The following VPS26A variants were observed in gnomAD, a reference collection of about 807,000 sequenced individuals.
VPS26A encodes VPS26 retromer complex component A, also known as vacuolar protein sorting-associated protein 26A.
Under a neutral mutation model 42.4 loss-of-function variants are expected in VPS26A, and 22 were observed. The ratio of observed to expected loss-of-function variants is 0.52; its 90% confidence interval spans 0.37 to 0.74. VPS26A has a LOEUF of 0.74. Ranked by LOEUF, VPS26A falls within the 30% of genes least tolerant of loss-of-function variation. The pLI is 0.00. For synonymous variants in VPS26A, 110 were observed against 123.5 expected, an observed-to-expected ratio of 0.89 and a Z score of 0.73; for missense variants, 276 against 379.2, an observed-to-expected ratio of 0.73 and a Z score of 2.26.
rs1265762229 is a variant in VPS26A at position 69,171,836 on chromosome 10, C to T, written c.*567C>T. The stretch of plus-strand genomic sequence containing the variant: ...AGCATATGGAGTGTTTCACCGCAGG[C>T]ACTTCTGAGTACCATTCCATGGCTT... On this transcript the variant is annotated 3_prime_UTR_variant, in exon 9 of 9. Transcript: ENST00000263559. The T allele has an allele frequency of 6.5e-6, 1 of 152,712 alleles. No individual in the cohort carries two copies. Among genetic ancestry groups the T allele is most frequent in the Non-Finnish European group, 1.5e-5 (1 of 68,228 alleles). 9.5% of individuals were successfully genotyped at this position (152,712 alleles called of 1,614,324 possible). A position where few individuals can be genotyped will look rare whatever the true frequency, so the allele number is the denominator to read the frequency against.
In VPS26A at chr10:69,130,992, A is replaced by G. The variant is rs368419118; in HGVS notation, c.4-1906A>G. Among the ~76,000 whole-genome samples the G allele has an allele frequency of 9.3e-4, 141 of 151,434 alleles. 3 individuals carry two copies. In the South Asian group the frequency reaches 0.028, roughly 30 times the overall value. On this transcript the variant is annotated intron_variant, in intron 1 of 8. Coordinates refer to ENST00000263559, the MANE Select transcript of VPS26A (RefSeq NM_004896.5). Reference sequence around the variant, plus strand: ...GCTATTATGAATAACACTTGTGAACATTTTTTTTCTGGAGACAAATTCTTG... The same window carrying G: ...GCTATTATGAATAACACTTGTGAACGTTTTTTTTCTGGAGACAAATTCTTG...
chr10:69,137,862 G>GATATATATATATATATATATATATATAT lies in VPS26A; in HGVS notation c.153+4835_153+4836insATATATATATATATATATATATATATAT, dbSNP rs745881334. Among the ~76,000 whole-genome samples, 54 of 144,828 alleles carry GATATATATATATATATATATATATATAT rather than the reference G, an allele frequency of 3.7e-4. 1 individual carries two copies. The highest frequency in any genetic ancestry group is 1.4e-3 in the African/African-American group (51 of 36,798). On this transcript the variant is annotated intron_variant, in intron 2 of 8. Coordinates refer to ENST00000263559, the MANE Select transcript of VPS26A (RefSeq NM_004896.5). ...TTTTTCTTTTTTTAAGCTGTATTGA[G>GATATATATATATATATATATATATATAT]ATATATATATATATATATATTCGCC...
At position 69,158,198 on chromosome 10, in the gene VPS26A, TA is replaced by T; in HGVS notation, c.539del (p.Tyr180LeufsTer8). 6.3e-7 allele frequency: 1 copy of T among 1,592,394 alleles called. No homozygotes were observed. The highest frequency in any genetic ancestry group is 8.5e-7 in the Non-Finnish European group (1 of 1,172,488). On this transcript the variant is annotated frameshift_variant, in exon 5 of 9. Transcript: ENST00000263559. LOFTEE classifies it high-confidence loss of function. ...IEDCLHIEFEYNKSKYHLKDV... is the reference protein window; with the variant it reads ...IEDCLHIEFEXNKSKYHLKDV... ...AGATTGTCTACATATAGAATTTGAA[TA>T]TAATAAATCAAAGTAAGTATCATTC... is the stretch of plus-strand genomic sequence containing the variant.
At chr10:69,145,160 T>G (rs1055745040) in intron 2 of VPS26A, among the ~76,000 whole-genome samples, 1 of 58,910 alleles carries the variant, frequency 1.7e-5, no homozygotes, top group Non-Finnish European at 7.2e-5. Flanking sequence ...CTCAGCCTCC[T>G]GAGTAGCTGG....
chr10:69,138,855 C>G (rs959602501), intron 2 of VPS26A, among the ~76,000 whole-genome samples: 1 of 152,058 alleles, frequency 6.6e-6, no homozygotes, highest in African/African-American at 2.4e-5. Flanking sequence ...TATCTTTACC[C>G]CACATTATAT....
At chr10:69,133,457 C>G (rs916596073) in intron 2 of VPS26A, 1 of 880,906 alleles carries the variant, frequency 1.1e-6, no homozygotes, top group African/African-American at 1.8e-5. Context: ...GTATAACTTT[C>G]TAAAGGTTTT....
At chr10:69,127,093 A>ATTTTTTTTTTT (rs71035057) in intron 1 of VPS26A, among the ~76,000 whole-genome samples, 721 of 97,504 alleles carry the variant, frequency 7.4e-3, no homozygotes, top group African/African-American at 0.011. Flanking sequence ...CACCCGGCCA[A>ATTTTTTTTTTT]TTTTTTTTTT....
chr10:69,131,470 C>T (rs12263799), intron 1 of VPS26A, among the ~76,000 whole-genome samples: 6,313 of 152,012 alleles, frequency 0.042, 451 homozygotes, highest in African/African-American at 0.14. Flanking sequence ...CGCGGTGGCT[C>T]ATGCCTGTAA....
At chr10:69,163,908 G>A (rs1352024565) in intron 6 of VPS26A, among the ~76,000 whole-genome samples, 1 of 151,312 alleles carries the variant, frequency 6.6e-6, no homozygotes, top group Admixed American at 6.6e-5. Flanking sequence ...TGGGACTACA[G>A]GCGCCCACCA....
chr10:69,124,199 G>T lies in VPS26A; in HGVS notation c.-79G>T. ...GCCCGAGGTCACGTGACGGAGCGCC[G>T]GAGCGGAGGGAGCCGGGGCTGGGAG... is the stretch of plus-strand genomic sequence containing the variant. On this transcript the variant is annotated 5_prime_UTR_variant, in exon 1 of 9. Transcript: ENST00000263559. 1 of 1,260,836 alleles carries T rather than the reference G, an allele frequency of 7.9e-7. No homozygotes were observed. Among genetic ancestry groups the T allele is most frequent in the East Asian group, 3.1e-5 (1 of 32,572 alleles). 78.1% of individuals were successfully genotyped at this position (1,260,836 alleles called of 1,614,324 possible). A position where few individuals can be genotyped will look rare whatever the true frequency, so the allele number is the denominator to read the frequency against.
chr10:69,155,785 ATCTCTTATAATT>A lies in VPS26A; in HGVS notation c.154-24_154-13del. 6.3e-7 allele frequency: 1 copy of A among 1,590,200 alleles called. No homozygotes were observed. Among genetic ancestry groups the A allele is most frequent in the Non-Finnish European group, 8.6e-7 (1 of 1,160,838 alleles). Reference sequence around the variant, plus strand: ...TAGGCCCACTCATAGGATTGTTAACATCTCTTATAATTTCATGTTTTGGCAGGTAAACCTAGC... The same window carrying A: ...TAGGCCCACTCATAGGATTGTTAACATCATGTTTTGGCAGGTAAACCTAGC... On this transcript the variant is annotated splice_polypyrimidine_tract_variant and intron_variant, in intron 2 of 8. Transcript: ENST00000263559.
At chr10:69,126,843 C>T (rs61868344) in intron 1 of VPS26A, among the ~76,000 whole-genome samples, 27,237 of 149,598 alleles carry the variant, frequency 0.18, 2,853 homozygotes, top group Non-Finnish European at 0.23. Context: ...TCTTTCAGTT[C>T]TTTCTAAAAG....
At position 69,158,168 on chromosome 10, in the gene VPS26A, A is replaced by G. The variant is rs1391615701; in HGVS notation, c.508A>G (p.Ile170Val). ...CAACTCTATTAAGATGGAAGTGGGC[A>G]TTGAAGATTGTCTACATATAGAATT... ...VNNSIKMEVGIEDCLHIEFEY... is the reference protein window; with the variant it reads ...VNNSIKMEVGVEDCLHIEFEY... Residue 170 changes from isoleucine to valine, a missense_variant, in exon 5 of 9, where the codon ATT becomes GTT. Transcript: ENST00000263559. The G allele has an allele frequency of 1.2e-6, 2 of 1,610,072 alleles. No individual in the cohort carries two copies. Among genetic ancestry groups the G allele is most frequent in the Admixed American group, 3.4e-5 (2 of 59,198 alleles).
intron 2 of VPS26A, among the ~76,000 whole-genome samples, chr10:69,155,143 TGG>T (rs1194775038): frequency 1.7e-4 from 6 of 36,196 alleles, no homozygotes; most frequent in Non-Finnish European, 4.9e-4. Context: ...GAGTCCTTTC[TGG>T]AAAAAAAAAA....
chr10:69,164,025 C>T (rs1841625191), intron 6 of VPS26A, among the ~76,000 whole-genome samples: 1 of 152,016 alleles, frequency 6.6e-6, no homozygotes, highest in African/African-American at 2.4e-5. Flanking sequence ...CCTCAGCCTC[C>T]CAAAGTGCTG....
chr10:69,147,951 A>G (rs1051563516), intron 2 of VPS26A, among the ~76,000 whole-genome samples: 2 of 152,088 alleles, frequency 1.3e-5, no homozygotes, highest in Admixed American at 6.6e-5. Context: ...TGGACTCGAG[A>G]TTAGCATGCC....
At chr10:69,137,327 G>T (rs763824111) in intron 2 of VPS26A, among the ~76,000 whole-genome samples, 4 of 152,214 alleles carry the variant, frequency 2.6e-5, no homozygotes, top group Non-Finnish European at 5.9e-5. Flanking sequence ...CCAGGTGGAG[G>T]TTAGCTGGGT....
intron 8 of VPS26A, 62 bp from the exon 9 acceptor site, chr10:69,171,094 T>C (rs1427898608): frequency 7.8e-7 from 1 of 1,289,378 alleles, no homozygotes; most frequent in Admixed American, 2.2e-5. Flanking sequence ...GAAGTGGCAA[T>C]CAATAGAGAT....
intron 7 of VPS26A, among the ~76,000 whole-genome samples, chr10:69,167,635 C>T (rs992842642): frequency 1.4e-5 from 2 of 147,390 alleles, no homozygotes; most frequent in Admixed American, 6.9e-5. Flanking sequence ...CCCAGCTACT[C>T]GGGAGGCTGA....
Sources: allele counts gnomAD v4.1 joint callset (sites outside exome capture counted in the v4.1 genomes callset), GRCh38; gene constraint gnomAD v4.1.1; transcripts MANE v1.5; gene names NCBI Gene and HGNC (gene_info 2026-07-23, HGNC 2026-07-21).